Variants in SAMSN1 observed in about 807,000 individuals in gnomAD.
SAMSN1 encodes the protein SAM domain, SH3 domain and nuclear localization signals 1.
Under a neutral mutation model 42.0 loss-of-function variants are expected in SAMSN1, and 31 were observed. The ratio of observed to expected loss-of-function variants is 0.74; its 90% CI spans 0.55 to 1.00. SAMSN1 has a LOEUF of 1.00. Ranked by LOEUF, SAMSN1 falls within the 50% of genes least tolerant of loss-of-function variation. The pLI is 0.00. For synonymous variants in SAMSN1, 178 were observed against 151.9 expected, an observed-to-expected ratio of 1.17 and a Z score of -1.26; for missense variants, 464 against 439.4, an observed-to-expected ratio of 1.06 and a Z score of -0.50.
chr21:14,642,269 G>A lies in SAMSN1; in HGVS notation c.156+733C>T, dbSNP rs1983614212. On this transcript the variant is annotated intron_variant, in intron 2 of 15. Coordinates refer to the SAMSN1 transcript ENST00000647101. Reference sequence around the variant, plus strand: ...TAGAATAGCCAGCACTGTTAAACAGGGACAGGTACAATTTTGTATAATGCA... The same window carrying A: ...TAGAATAGCCAGCACTGTTAAACAGAGACAGGTACAATTTTGTATAATGCA... 2.6e-5 allele frequency among the ~76,000 whole-genome samples: 4 copies of A among 152,226 alleles called. No homozygotes were observed. The South Asian group carries it at 8.3e-4, about 32-fold the overall frequency.
intron 2 of SAMSN1, among the ~76,000 whole-genome samples, chr21:14,633,279 G>T (rs1320625321): frequency 6.6e-6 from 1 of 152,086 alleles, no homozygotes; most frequent in African/African-American, 2.4e-5. Context: ...TAATACAGTG[G>T]TGTTCACTGA....
At chr21:14,553,982 A>G (rs1490229703) in intron 2 of SAMSN1, among the ~76,000 whole-genome samples, 2 of 152,146 alleles carry the variant, frequency 1.3e-5, no homozygotes, top group African/African-American at 4.8e-5. Flanking sequence ...GATTAGTCCA[A>G]TGTTGAACAT....
rs140849961 is a variant in SAMSN1, at chr21:14,630,123, T to G, written c.156+12879A>C. ...AAAATGTCAAATTCCATCTTTGCAA[T>G]GGAAAAGCACTGAACTGGTACCCCA... On this transcript the variant is annotated intron_variant, in intron 2 of 15. Transcript: ENST00000647101. 4.6e-3 allele frequency among the ~76,000 whole-genome samples: 704 copies of G among 152,258 alleles called. 2 individuals carry two copies. Among genetic ancestry groups the G allele is most frequent in the Admixed American group, 7.6e-3 (117 of 15,298 alleles).
intron 7 of SAMSN1, among the ~76,000 whole-genome samples, chr21:14,588,998 T>A (rs1352172318): frequency 6.6e-6 from 1 of 152,192 alleles, no homozygotes; most frequent in African/African-American, 2.4e-5. Flanking sequence ...ATGTATTTCA[T>A]ATATTTGTGT....
intron 2 of SAMSN1, among the ~76,000 whole-genome samples, chr21:14,574,205 G>A (rs1051335054): frequency 1.6e-4 from 24 of 152,104 alleles, no homozygotes; most frequent in African/African-American, 5.8e-4. Flanking sequence ...ACCTCAGATT[G>A]TCCATAATTG....
intron 1 of SAMSN1, among the ~76,000 whole-genome samples, chr21:14,534,469 C>T (rs1979468672): frequency 6.6e-6 from 1 of 151,736 alleles, no homozygotes; most frequent in South Asian, 2.1e-4. Context: ...CAACAACAAA[C>T]AGAGAAATGT....
rs530394287 is a variant in SAMSN1, at chr21:14,630,469, T to TA, written c.156+12532dup. Reference sequence around the variant, plus strand: ...GTAGTTCTCCTGTAAGCCTAGGAAATAAAAAAAAGAACAGAGCACAATTAA... The same window carrying TA: ...GTAGTTCTCCTGTAAGCCTAGGAAATAAAAAAAAAGAACAGAGCACAATTAA... On this transcript the variant is annotated intron_variant, in intron 2 of 15. Coordinates refer to the SAMSN1 transcript ENST00000647101. Among the ~76,000 whole-genome samples, 99 of 150,848 alleles carry TA rather than the reference T, an allele frequency of 6.6e-4. 3 individuals are homozygous for TA. In the South Asian group the frequency reaches 0.014, roughly 22 times the overall value.
At chr21:14,613,602 CT>C (rs1237585036) in intron 3 of SAMSN1, among the ~76,000 whole-genome samples, 1 of 152,064 alleles carries the variant, frequency 6.6e-6, no homozygotes, top group Non-Finnish European at 1.5e-5. Context: ...ATAAGGTTTC[CT>C]TTTTGTTAAT....
chr21:14,643,058 C>A (rs1983632406), exon 2 of SAMSN1: 2 of 717,210 alleles, frequency 2.8e-6, no homozygotes, highest in South Asian at 3.0e-5. Flanking sequence ...ATAGGAGAAT[C>A]AGTTCTACTA....
chr21:14,505,071 G>A (rs1029973226), intron 5 of SAMSN1, among the ~76,000 whole-genome samples: 17 of 151,980 alleles, frequency 1.1e-4, no homozygotes, highest in African/African-American at 3.9e-4. Context: ...TCACTACCAA[G>A]CCACTAAAAG....
intron 1 of SAMSN1, 78 bp downstream of exon 1, chr21:14,546,127 A>G: frequency 1.6e-6 from 2 of 1,231,544 alleles, no homozygotes; most frequent in Non-Finnish European, 2.3e-6. Flanking sequence ...AGAACATTGT[A>G]TGTGTTCAAA....
chr21:14,534,568 T>A (rs966116425), intron 1 of SAMSN1, among the ~76,000 whole-genome samples: 2 of 150,776 alleles, frequency 1.3e-5, no homozygotes, highest in African/African-American at 4.9e-5. Context: ...CAGGCTGGAG[T>A]GCAGTGGCGC....
At chr21:14,631,670 T>C (rs1212781225) in intron 2 of SAMSN1, among the ~76,000 whole-genome samples, 2 of 152,168 alleles carry the variant, frequency 1.3e-5, no homozygotes, top group East Asian at 3.8e-4. Flanking sequence ...CCACCCAAGA[T>C]GGGATTTTTA....
chr21:14,525,889 G>T (rs997303334), intron 1 of SAMSN1, among the ~76,000 whole-genome samples: 1 of 152,008 alleles, frequency 6.6e-6, no homozygotes, highest in African/African-American at 2.4e-5. Context: ...TTTTGAGACC[G>T]AGTCTCCCTC....
At position 14,581,367 on chromosome 21, in the gene SAMSN1, T is replaced by A. The variant is rs1049430218; in HGVS notation, c.261+769A>T. ...TTCTTTTTTTTTTTTTTTTTTTTTT[T>A]TTTTTTTTTGAGGACGAGTCTTGCT... On this transcript the variant is annotated intron_variant, in intron 2 of 8. Coordinates refer to the SAMSN1 transcript ENST00000285670. Among the ~76,000 whole-genome samples the A allele has an allele frequency of 9.2e-5, 10 of 108,280 alleles. 1 individual carries two copies. Among genetic ancestry groups the A allele is most frequent in the African/African-American group, 4.4e-4 (10 of 22,704 alleles). The allele number at this position is 108,280 out of a possible 152,430, so 71.0% of individuals were successfully genotyped here.
rs186073564 is a variant in SAMSN1, at chr21:14,505,917, A to T, written c.561+4393T>A. Among the ~76,000 whole-genome samples, 10 of 152,334 alleles carry T rather than the reference A, an allele frequency of 6.6e-5. No homozygotes were observed. In the East Asian group the frequency reaches 1.9e-3, roughly 29 times the overall value. ...CAAGCACTCTTTCAGACTACAATGG[A>T]ATAAAACTGGAAATTAACTGCAAAA... On this transcript the variant is annotated intron_variant, in intron 5 of 7. Transcript: ENST00000400566.
At chr21:14,608,264 G>T (rs535882011) in intron 5 of SAMSN1, among the ~76,000 whole-genome samples, 20 of 152,346 alleles carry the variant, frequency 1.3e-4, no homozygotes, top group Non-Finnish European at 2.6e-4. Context: ...TCTATCTCCT[G>T]GTAGCATCCT....
At chr21:14,507,225 C>T (rs1987456833) in intron 5 of SAMSN1, among the ~76,000 whole-genome samples, 3 of 152,230 alleles carry the variant, frequency 2.0e-5, no homozygotes, top group Middle Eastern at 3.4e-3. Flanking sequence ...TAAAGGGCAT[C>T]TAAATCACTG....
intron 2 of SAMSN1, among the ~76,000 whole-genome samples, chr21:14,551,492 G>T (rs1980594105): frequency 6.6e-6 from 1 of 151,934 alleles, no homozygotes; most frequent in African/African-American, 2.4e-5. Flanking sequence ...GGCTGATAAA[G>T]TTTAAGATTC....
Sources: allele counts gnomAD v4.1 joint callset (sites outside exome capture counted in the v4.1 genomes callset), GRCh38; gene constraint gnomAD v4.1.1; transcripts MANE v1.5; gene names NCBI Gene and HGNC (gene_info 2026-07-23, HGNC 2026-07-21).